RNF212: variants seen among roughly 807,000 people sequenced by gnomAD.
RNF212 encodes probable E3 SUMO-protein ligase RNF212.
In RNF212, 33 loss-of-function variants were observed where a neutral mutation model predicts 34.7. That is an observed-to-expected ratio of 0.95 (90% confidence interval 0.72 to 1.27). The LOEUF is 1.27. Ranked by LOEUF, RNF212 falls within the 50% of genes most tolerant of loss-of-function variation. The probability of loss-of-function intolerance (pLI) is 0.00; values close to 1 mark genes in which losing one functional copy is unlikely to be tolerated. For missense variants in RNF212, 377 were observed against 362.2 expected (o/e 1.04, Z -0.33); for synonymous variants, 140 against 136.1 (o/e 1.03, Z -0.20).
chr4:1,100,112 C>T (rs1723731309), intron 2 of RNF212: 3 of 342,762 alleles, frequency 8.8e-6, no homozygotes, highest in South Asian at 4.4e-5. Context: ...GCTAGAGTCT[C>T]GGCTGTCAAC....
intron 3 of RNF212, among the ~76,000 whole-genome samples, chr4:1,059,734 G>A (rs931608538): frequency 8.5e-5 from 13 of 152,210 alleles, no homozygotes; most frequent in African/African-American, 3.1e-4. Flanking sequence ...TGAACACACA[G>A]AACCACAAAT....
At chr4:1,108,312 TAAG>T in intron 2 of RNF212, 28 bp downstream of exon 2, 1 of 1,375,420 alleles carries the variant, frequency 7.3e-7, no homozygotes, top group Non-Finnish European at 9.8e-7. Flanking sequence ...TGACTGTGAT[TAAG>T]ATGCAGATAC....
chr4:1,079,087 C>A (rs908623274), intron 8 of RNF212, among the ~76,000 whole-genome samples: 1 of 151,466 alleles, frequency 6.6e-6, no homozygotes, highest in Non-Finnish European at 1.5e-5. Context: ...AGGGTCAACA[C>A]AGGACCAACA....
intron 8 of RNF212, among the ~76,000 whole-genome samples, chr4:1,079,274 C>T (rs1329404985): frequency 6.6e-6 from 1 of 151,960 alleles, no homozygotes; most frequent in South Asian, 2.1e-4. Context: ...GGGACCAACA[C>T]AGGGTCAACA....
chr4:1,061,371 C>T (rs958473433), intron 3 of RNF212, among the ~76,000 whole-genome samples: 3 of 152,166 alleles, frequency 2.0e-5, no homozygotes, highest in African/African-American at 7.2e-5. Flanking sequence ...CCTGGAGAGG[C>T]CCACAGTCCT....
chr4:1,079,718 T>C (rs1720018963), intron 7 of RNF212, 30 bp from the exon 8 acceptor site: 1 of 1,556,484 alleles, frequency 6.4e-7, no homozygotes, highest in Non-Finnish European at 8.9e-7. Context: ...AGGCTTTGAG[T>C]GAGCCCAGGA....
Position 1,072,741 on chromosome 4 carries a change from G to A in RNF212, c.*133C>T. The A allele has an allele frequency of 1.4e-6, 2 of 1,426,580 alleles. No homozygotes were observed. The highest frequency in any genetic ancestry group is 1.4e-5 in the African/African-American group (1 of 69,634). The allele number at this position is 1,426,580 out of a possible 1,614,324, so 88.4% of individuals were successfully genotyped here. On this transcript the variant is annotated 3_prime_UTR_variant, in exon 10 of 10. Transcript: ENST00000433731. ...AATATAAAATTACAAAGCAAATTGGGTAAAAGGTTAATATCCTGCACACTG... is the reference window on the plus strand; with the variant it reads ...AATATAAAATTACAAAGCAAATTGGATAAAAGGTTAATATCCTGCACACTG...
chr4:1,111,150 C>T (rs1248327577), intron 1 of RNF212, among the ~76,000 whole-genome samples: 3 of 152,204 alleles, frequency 2.0e-5, no homozygotes, highest in African/African-American at 7.2e-5. Context: ...AACACCAATT[C>T]CTTGACTTCA....
At chr4:1,087,958 T>C (rs1721605154) in intron 4 of RNF212, among the ~76,000 whole-genome samples, 5 of 152,102 alleles carry the variant, frequency 3.3e-5, no homozygotes. Flanking sequence ...CCTTTATAAA[T>C]CACCCAGTCT....
At position 1,113,559 on chromosome 4, in the gene RNF212, C is replaced by T; in HGVS notation, c.-95G>A. The T allele has an allele frequency of 1.0e-6, 1 of 998,392 alleles. No homozygotes were observed. The highest frequency in any genetic ancestry group is 1.4e-6 in the Non-Finnish European group (1 of 698,202). 61.8% of individuals were successfully genotyped at this position (998,392 alleles called of 1,614,324 possible). A position where few individuals can be genotyped will look rare whatever the true frequency, so the allele number is the denominator to read the frequency against. ...CCGCGCAGGGCCCGAAGGCGGGCAG[C>T]TCTGCGCCTGCGCAAAGTCGACGGC... On this transcript the variant is annotated 5_prime_UTR_variant, in exon 1 of 10. Coordinates refer to ENST00000433731, the MANE Select transcript of RNF212 (RefSeq NM_001131034.4).
At chr4:1,089,034 C>T (rs189900297) in intron 4 of RNF212, among the ~76,000 whole-genome samples, 1 of 152,348 alleles carries the variant, frequency 6.6e-6, no homozygotes, top group East Asian at 1.9e-4. Context: ...TGGTTGTTCC[C>T]ACACAGTGTC....
At chr4:1,099,171 G>A (rs588824) in intron 2 of RNF212, among the ~76,000 whole-genome samples, 28,115 of 152,160 alleles carry the variant, frequency 0.18, 4,228 homozygotes, top group African/African-American at 0.42. Flanking sequence ...GCAGAGGGCC[G>A]GCGATAAGCC....
chr4:1,105,278 G>A (rs1724629782), intron 2 of RNF212, among the ~76,000 whole-genome samples: 1 of 130,736 alleles, frequency 7.6e-6, no homozygotes, highest in South Asian at 3.0e-4. Flanking sequence ...CACAGCTGCT[G>A]CTCTGCTCCG....
At chr4:1,090,552 C>G (rs955930482) in intron 4 of RNF212, among the ~76,000 whole-genome samples, 1 of 152,146 alleles carries the variant, frequency 6.6e-6, no homozygotes, top group African/African-American at 2.4e-5. Flanking sequence ...GGCAGGGAGG[C>G]CCATGCGGTG....
At chr4:1,113,621 G>A (rs1274610442), upstream of RNF212, 8 of 516,352 alleles carry the variant, frequency 1.5e-5, no homozygotes, top group South Asian at 5.4e-5. Context: ...GCGCCCTCCC[G>A]CCAACCTCGC....
downstream of RNF212, among the ~76,000 whole-genome samples, chr4:1,070,029 C>CGGGTGGTTTTGT (rs1718343549): frequency 7.1e-6 from 1 of 141,008 alleles, no homozygotes; most frequent in Admixed American, 7.0e-5. Context: ...GCCTGAGTTA[C>CGGGTGGTTTTGT]AGGTGGTTTC....
At chr4:1,060,308 C>T (rs1717667938) in intron 3 of RNF212, among the ~76,000 whole-genome samples, 1 of 152,202 alleles carries the variant, frequency 6.6e-6, no homozygotes, top group Non-Finnish European at 1.5e-5. Context: ...CTGTGTGTCC[C>T]ACAGGGCTTG....
At chr4:1,102,117 A>T in intron 2 of RNF212, among the ~76,000 whole-genome samples, 1 of 152,254 alleles carries the variant, frequency 6.6e-6, no homozygotes, top group East Asian at 1.9e-4. Context: ...TACAGAGGAA[A>T]GGTTGAAAAT....
At chr4:1,107,863 G>A (rs1246403632) in intron 2 of RNF212, among the ~76,000 whole-genome samples, 6 of 152,164 alleles carry the variant, frequency 3.9e-5, no homozygotes, top group Non-Finnish European at 7.3e-5. Flanking sequence ...CAGACCAAAT[G>A]CACATTTTGG....
Sources: allele counts gnomAD v4.1 joint callset (sites outside exome capture counted in the v4.1 genomes callset), GRCh38; gene constraint gnomAD v4.1.1; transcripts MANE v1.5; gene names NCBI Gene and HGNC (gene_info 2026-07-23, HGNC 2026-07-21).